PHACTR2: variants seen among roughly 807,000 people sequenced by gnomAD.
PHACTR2 encodes the protein phosphatase and actin regulator 2, also known as chromosome 6 open reading frame 56.
PHACTR2 carries 30 observed loss-of-function variants against 76.0 expected under a neutral mutation model. The observed-to-expected ratio is 0.39, with a 90% CI of 0.30 to 0.54. The LOEUF is 0.54. Among genes scored for constraint, PHACTR2 ranks in the 20% least tolerant of loss-of-function variants. The pLI is 0.61. For synonymous variants in PHACTR2, 292 were observed against 292.5 expected (o/e 1.00, Z 0.02); for missense variants, 696 against 781.1 (o/e 0.89, Z 1.30).
rs1229079258 is a variant in PHACTR2 at position 143,742,740 on chromosome 6, A to T, written c.215-6245A>T. On this transcript the variant is annotated intron_variant, in intron 2 of 12. Coordinates refer to ENST00000440869, the MANE Select transcript of PHACTR2 (RefSeq NM_001100164.2). The surrounding 1 kb of genome is among the most constrained non-coding windows in gnomAD (Gnocchi z 4.5). ...GCCTTTCCTCCTTCCCCCCAAAAAG[A>T]CACTTAGGTCCCCAATATCTACTCT... is the stretch of plus-strand genomic sequence containing the variant. Among the ~76,000 whole-genome samples, 1 of 152,140 alleles carries T rather than the reference A, an allele frequency of 6.6e-6. No individual in the cohort carries two copies. The highest frequency in any genetic ancestry group is 1.5e-5 in the Non-Finnish European group (1 of 68,024).
At position 143,700,236 on chromosome 6, in the gene PHACTR2, C is replaced by G. The variant is rs995128310; in HGVS notation, c.47-11780C>G. 6.6e-6 allele frequency among the ~76,000 whole-genome samples: 1 copy of G among 152,044 alleles called. No individual in the cohort carries two copies. Among genetic ancestry groups the G allele is most frequent in the Non-Finnish European group, 1.5e-5 (1 of 68,008 alleles). ...AATTTTTTCATAATTTTGTCTGAAACAAAATTTAGCCCCTTACTTAAAAAC... is the reference window on the plus strand; with the variant it reads ...AATTTTTTCATAATTTTGTCTGAAAGAAAATTTAGCCCCTTACTTAAAAAC... On this transcript the variant is annotated intron_variant, in intron 1 of 12. Transcript: ENST00000440869. The surrounding 1 kb of genome is among the most constrained non-coding windows in gnomAD (Gnocchi z 4.1).
intron 1 of PHACTR2, among the ~76,000 whole-genome samples, chr6:143,628,179 T>C (rs1404196922): frequency 6.6e-6 from 1 of 152,240 alleles, no homozygotes; most frequent in Non-Finnish European, 1.5e-5. Context: ...CACGTTTTGT[T>C]TCTCTATTCA....
In PHACTR2 at chr6:143,804,207, C is replaced by T. The variant is rs567754060; in HGVS notation, c.1846-2850C>T. 3.9e-5 allele frequency among the ~76,000 whole-genome samples: 6 copies of T among 152,354 alleles called. No individual in the cohort carries two copies. In the South Asian group the frequency reaches 1.2e-3, roughly 32 times the overall value. ...GTTAGATAATTCACTTCCAAGACAG[C>T]TTCTTCACTAACCGTCGGTGCCTTT... On this transcript the variant is annotated intron_variant, in intron 11 of 12. Coordinates refer to ENST00000440869, the MANE Select transcript of PHACTR2 (RefSeq NM_001100164.2).
rs9496718 is a variant in PHACTR2 at position 143,646,193 on chromosome 6, G to A, written c.13+37871G>A. Among the ~76,000 whole-genome samples the A allele has an allele frequency of 0.48, 73,220 of 151,776 alleles. 17,661 individuals carry two copies. The highest frequency in any genetic ancestry group is 0.59 in the South Asian group (2,828 of 4,810). On this transcript the variant is annotated intron_variant, in intron 1 of 11. Transcript: ENST00000305766. The surrounding 1 kb of genome is among the most constrained non-coding windows in gnomAD (Gnocchi z 4.1). Reference sequence around the variant, plus strand: ...TGGGTACAAGAGAGGTATAAATTAGGCTCAAATGGGGCCCACAAAGAGCCC... The same window carrying A: ...TGGGTACAAGAGAGGTATAAATTAGACTCAAATGGGGCCCACAAAGAGCCC...
Position 143,537,124 on chromosome 6 carries a change from C to A in PHACTR2, c.134C>A (p.Pro45Gln). 1 of 310,886 alleles carries A rather than the reference C, an allele frequency of 3.2e-6. No individual in the cohort carries two copies. The highest frequency in any genetic ancestry group is 3.8e-5 in the South Asian group (1 of 26,570). 19.3% of individuals were successfully genotyped at this position (310,886 alleles called of 1,614,324 possible). A position where few individuals can be genotyped will look rare whatever the true frequency, so the allele number is the denominator to read the frequency against. The change falls in exon 1 of 12, where the codon CCG (proline) becomes CAG (glutamine). Residue 45 changes from proline to glutamine, a missense_variant. By Grantham distance (76) the Pro-to-Gln change is moderately conservative (BLOSUM62 -1). Transcript: ENST00000367584. This position sits in a 1 kb window ranked among gnomAD's most constrained non-coding sequence, Gnocchi z 4.4. ...GCCCTGCGCTGGCTTCCCGGGGACC[C>A]GAGCCCCCGCGGCCGCTCACAGAGC... is the stretch of plus-strand genomic sequence containing the variant.
At chr6:143,796,033 C>A (rs534052675) in intron 11 of PHACTR2, among the ~76,000 whole-genome samples, 1 of 152,254 alleles carries the variant, frequency 6.6e-6, no homozygotes, top group South Asian at 2.1e-4. Flanking sequence ...CTTATTAAAA[C>A]CCTTACAATA....
rs1328444279 is a variant in PHACTR2, at chr6:143,583,451, C to A, written c.217+46244C>A. Among the ~76,000 whole-genome samples the A allele has an allele frequency of 1.3e-5, 2 of 152,206 alleles. No homozygotes were observed. The highest frequency in any genetic ancestry group is 4.8e-5 in the African/African-American group (2 of 41,442). On this transcript the variant is annotated intron_variant, in intron 1 of 11. Coordinates refer to the PHACTR2 transcript ENST00000367584. This position sits in a 1 kb window ranked among gnomAD's most constrained non-coding sequence, Gnocchi z 4.0. ...TTTATCCTAAAGTTGCTGAGTGACA[C>A]AATGATATTTTTGTACTTAATCACA...
intron 2 of PHACTR2, among the ~76,000 whole-genome samples, chr6:143,748,753 C>T (rs1159376423): frequency 1.3e-5 from 2 of 152,174 alleles, no homozygotes; most frequent in African/African-American, 2.4e-5. Context: ...CAAAGGTGGC[C>T]ATTTGAAAGA....
At position 143,801,947 on chromosome 6, in the gene PHACTR2, CAGAT is replaced by C. The variant is rs1775966139; in HGVS notation, c.1846-5107_1846-5104del. ...TTCTGTTTGCTCATTTTCCTTCTAA[CAGAT>C]AGGCCCCTCAGCTGCAGGTCTGTTG... On this transcript the variant is annotated intron_variant, in intron 11 of 12. Transcript: ENST00000440869. The surrounding 1 kb of genome is among the most constrained non-coding windows in gnomAD (Gnocchi z 4.6). 6.6e-6 allele frequency among the ~76,000 whole-genome samples: 1 copy of C among 152,106 alleles called. No homozygotes were observed. The highest frequency in any genetic ancestry group is 2.4e-5 in the African/African-American group (1 of 41,428).
Position 143,641,496 on chromosome 6 carries a change from TGTTTGTGTGTTTGTTGTTGTTGTTTTTGA to T in PHACTR2, c.13+33176_13+33204del. On this transcript the variant is annotated intron_variant, in intron 1 of 11. Transcript: ENST00000305766. The surrounding 1 kb of genome is among the most constrained non-coding windows in gnomAD (Gnocchi z 5.8). ...CATTTCTGTTGTTGATTTGTTTGTT[TGTTTGTGTGTTTGTTGTTGTTGTTTTTGA>T]GACAGAGTTTCGCTCTTGTTACCCA... is the stretch of plus-strand genomic sequence containing the variant. Among the ~76,000 whole-genome samples the T allele has an allele frequency of 6.6e-6, 1 of 152,108 alleles. No individual in the cohort carries two copies. Among genetic ancestry groups the T allele is most frequent in the Non-Finnish European group, 1.5e-5 (1 of 68,016 alleles).
intron 1 of PHACTR2, among the ~76,000 whole-genome samples, chr6:143,685,420 A>G (rs1777490443): frequency 6.6e-6 from 1 of 152,136 alleles, no homozygotes. Flanking sequence ...ACATAGGAAA[A>G]CAAGTAAACA....
rs1226519955 is a variant in PHACTR2, at chr6:143,789,863, G to A, written c.1845+953G>A. ...CATAAGTAGAAATGAAAAGTAAGAAGGAATAAGATCACAAAGGAAGAATGT... is the reference window on the plus strand; with the variant it reads ...CATAAGTAGAAATGAAAAGTAAGAAAGAATAAGATCACAAAGGAAGAATGT... On this transcript the variant is annotated intron_variant, in intron 11 of 12. Coordinates refer to ENST00000440869, the MANE Select transcript of PHACTR2 (RefSeq NM_001100164.2). The surrounding 1 kb of genome is among the most constrained non-coding windows in gnomAD (Gnocchi z 5.1). Among the ~76,000 whole-genome samples the A allele has an allele frequency of 1.3e-5, 2 of 152,044 alleles. No homozygotes were observed. The highest frequency in any genetic ancestry group is 6.6e-5 in the Admixed American group (1 of 15,258).
chr6:143,685,217 C>T (rs960946337), intron 1 of PHACTR2, among the ~76,000 whole-genome samples: 1 of 151,786 alleles, frequency 6.6e-6, no homozygotes, highest in Non-Finnish European at 1.5e-5. Flanking sequence ...GTAATTTATT[C>T]TAGCTTAAGA....
rs972258118 is a variant in PHACTR2 at position 143,647,815 on chromosome 6, C to T, written c.13+39493C>T. ...AGAACCACAAAAAAAGCCAGTGTGG[C>T]TGGAAAGGGCAGGTAAGGGAGAGCA... is the stretch of plus-strand genomic sequence containing the variant. On this transcript the variant is annotated intron_variant, in intron 1 of 11. Coordinates refer to the PHACTR2 transcript ENST00000305766. This position sits in a 1 kb window ranked among gnomAD's most constrained non-coding sequence, Gnocchi z 4.2. Among the ~76,000 whole-genome samples the T allele has an allele frequency of 3.3e-5, 5 of 152,106 alleles. No individual in the cohort carries two copies. The highest frequency in any genetic ancestry group is 5.9e-5 in the Non-Finnish European group (4 of 68,026).
rs1163712950 is a variant in PHACTR2, at chr6:143,664,094, T to G, written c.14-47922T>G. Among the ~76,000 whole-genome samples, 1 of 152,146 alleles carries G rather than the reference T, an allele frequency of 6.6e-6. No homozygotes were observed. The highest frequency in any genetic ancestry group is 6.6e-5 in the Admixed American group (1 of 15,266). On this transcript the variant is annotated intron_variant, in intron 1 of 11. Coordinates refer to the PHACTR2 transcript ENST00000305766. The surrounding 1 kb of genome is among the most constrained non-coding windows in gnomAD (Gnocchi z 5.1). ...ATATGGTTCTGATGTCAGGGATATA[T>G]GAGATAATAATTTGAACATCCTGTT...
At position 143,821,660 on chromosome 6, in the gene PHACTR2, G is replaced by T. The variant is rs1211654600; in HGVS notation, c.1923-2014G>T. ...AAAGAGTTTGGAGAACTCACAGAGT[G>T]AGACTGCATAAAGCGCAGATGGTAA... is the stretch of plus-strand genomic sequence containing the variant. On this transcript the variant is annotated intron_variant, in intron 12 of 12. Transcript: ENST00000440869. The surrounding 1 kb of genome is among the most constrained non-coding windows in gnomAD (Gnocchi z 5.2). Among the ~76,000 whole-genome samples, 5 of 152,242 alleles carry T rather than the reference G, an allele frequency of 3.3e-5. No homozygotes were observed. Among genetic ancestry groups the T allele is most frequent in the Non-Finnish European group, 7.3e-5 (5 of 68,050 alleles).
chr6:143,617,019 C>T lies in PHACTR2; in HGVS notation c.13+8697C>T, dbSNP rs911994834. On this transcript the variant is annotated intron_variant, in intron 1 of 11. Transcript: ENST00000305766. This position sits in a 1 kb window ranked among gnomAD's most constrained non-coding sequence, Gnocchi z 4.8. Reference sequence around the variant, plus strand: ...GAGGGCCTTGAGGCTTGGCCTCTGTCCTACCAGCTTTCAGGAGCCTTTGAA... The same window carrying T: ...GAGGGCCTTGAGGCTTGGCCTCTGTTCTACCAGCTTTCAGGAGCCTTTGAA... Among the ~76,000 whole-genome samples, 1 of 152,148 alleles carries T rather than the reference C, an allele frequency of 6.6e-6. No individual in the cohort carries two copies. The highest frequency in any genetic ancestry group is 1.5e-5 in the Non-Finnish European group (1 of 68,030).
In PHACTR2 at chr6:143,788,981, A is replaced by G; in HGVS notation, c.1845+71A>G. ...AAGCTCCAATATCCACATCCCCCCT[A>G]CTTAAGTCATCCCAGGGGACGAGAT... On this transcript the variant is annotated intron_variant, in intron 11 of 12. Coordinates refer to ENST00000440869, the MANE Select transcript of PHACTR2 (RefSeq NM_001100164.2). 6.4e-6 allele frequency: 9 copies of G among 1,403,406 alleles called. No individual in the cohort carries two copies. The South Asian group carries it at 9.7e-5, about 15-fold the overall frequency. The allele number at this position is 1,403,406 out of a possible 1,614,324, so 86.9% of individuals were successfully genotyped here. A position where few individuals can be genotyped will look rare whatever the true frequency, so the allele number is the denominator to read the frequency against.
Position 143,801,369 on chromosome 6 carries a change from C to T in PHACTR2, c.1846-5688C>T, listed in dbSNP as rs777280184. On this transcript the variant is annotated intron_variant, in intron 11 of 12. Transcript: ENST00000440869. This position sits in a 1 kb window ranked among gnomAD's most constrained non-coding sequence, Gnocchi z 4.6. Reference sequence around the variant, plus strand: ...TAGATTTGGTCTTTTCACATAGTCTCATATTTATTGGAGGCTTTGTTCATT... The same window carrying T: ...TAGATTTGGTCTTTTCACATAGTCTTATATTTATTGGAGGCTTTGTTCATT... Among the ~76,000 whole-genome samples the T allele has an allele frequency of 6.6e-6, 1 of 152,174 alleles. No homozygotes were observed. Among genetic ancestry groups the T allele is most frequent in the Non-Finnish European group, 1.5e-5 (1 of 68,040 alleles).
Sources: allele counts gnomAD v4.1 joint callset (sites outside exome capture counted in the v4.1 genomes callset), GRCh38; gene constraint gnomAD v4.1.1; non-coding constraint Gnocchi (gnomAD v3.1); transcripts MANE v1.5; gene names NCBI Gene and HGNC (gene_info 2026-07-23, HGNC 2026-07-21).